DAB1: variants seen among roughly 807,000 people sequenced by gnomAD.
The protein encoded by DAB1 is DAB adaptor protein 1.
Under a neutral mutation model 64.6 loss-of-function variants are expected in DAB1, and 15 were observed. The observed-to-expected ratio is 0.23, with a 90% CI of 0.16 to 0.36. The LOEUF (loss-of-function observed/expected upper bound fraction) is 0.36. Ranked by LOEUF, DAB1 falls within the 10% of genes least tolerant of loss-of-function variation. DAB1 has a pLI of 1.00. For missense variants in DAB1, 596 were observed against 706.7 expected (o/e 0.84, Z 1.78); for synonymous variants, 235 against 251.9 (o/e 0.93, Z 0.64).
intron 1 of DAB1, among the ~76,000 whole-genome samples, chr1:57,335,661 C>A (rs1426526780): frequency 6.6e-6 from 1 of 152,148 alleles, no homozygotes; most frequent in African/African-American, 2.4e-5. Context: ...TTGAAATTTA[C>A]ATGGCATACC....
rs79288842 is a variant in DAB1, at chr1:57,403,801, C to T, written c.-137+20129G>A. Among the ~76,000 whole-genome samples the T allele has an allele frequency of 9.5e-3, 1,447 of 152,248 alleles. 32 individuals are homozygous for T. Among genetic ancestry groups the T allele is most frequent in the African/African-American group, 0.033 (1,358 of 41,538 alleles). The stretch of plus-strand genomic sequence containing the variant: ...TCCAGTATAATAGCCATTACCTACA[C>T]GGGGCCATTTAAAGTAAAATTAAAT... On this transcript the variant is annotated intron_variant, in intron 1 of 14. Transcript: ENST00000371236.
At chr1:58,475,826 G>T in intron 3 of DAB1, among the ~76,000 whole-genome samples, 1 of 152,090 alleles carries the variant, frequency 6.6e-6, no homozygotes, top group African/African-American at 2.4e-5. Context: ...TAGTGATGTT[G>T]CCCTTAATAC....
upstream of DAB1, among the ~76,000 whole-genome samples, chr1:57,887,231 C>T (rs1644237186): frequency 6.6e-6 from 1 of 152,116 alleles, no homozygotes; most frequent in South Asian, 2.1e-4. Context: ...TGTTTTGTAC[C>T]ACTCATCTCA....
At position 57,000,785 on chromosome 1, in the gene DAB1, G is replaced by A. The variant is rs183042273; in HGVS notation, c.*16-2657C>T. Among the ~76,000 whole-genome samples, 191 of 152,270 alleles carry A rather than the reference G, an allele frequency of 1.3e-3. 1 individual carries two copies. The highest frequency in any genetic ancestry group is 4.4e-3 in the African/African-American group (184 of 41,556). ...TTTGGATGCCCCAAGAAGTCAGGCT[G>A]CCTTGATCTCACCCTACAATTTGCT... On this transcript the variant is annotated intron_variant, in intron 14 of 14. Coordinates refer to ENST00000371236, the MANE Select transcript of DAB1 (RefSeq NM_001365792.1).
rs114926203 is a variant in DAB1, at chr1:57,806,564, C to T, written n.551+77435G>A. On this transcript the variant is annotated intron_variant and non_coding_transcript_variant, in intron 6 of 20. Transcript: ENST00000485760. ...TCACTGCCCTCAAAAGAAACCAACC[C>T]TATTGACACTTTGATCTCAAACTTC... Among the ~76,000 whole-genome samples the T allele has an allele frequency of 2.6e-3, 396 of 152,268 alleles. 3 individuals carry two copies. The highest frequency in any genetic ancestry group is 4.8e-3 in the Non-Finnish European group (327 of 68,002).
chr1:57,815,940 C>T (rs1651836818), intron 6 of DAB1, among the ~76,000 whole-genome samples: 1 of 152,174 alleles, frequency 6.6e-6, no homozygotes, highest in Admixed American at 6.5e-5. Flanking sequence ...AACATAGTAG[C>T]TGTTCAATAA....
intron 2 of DAB1, among the ~76,000 whole-genome samples, chr1:57,187,443 C>T (rs155306): frequency 0.027 from 4,101 of 152,234 alleles, 186 homozygotes; most frequent in African/African-American, 0.092. Context: ...CAGCAATTTG[C>T]GTATGATTCT....
intron 6 of DAB1, among the ~76,000 whole-genome samples, chr1:57,693,711 C>T (rs1282377697): frequency 3.9e-5 from 6 of 152,172 alleles, no homozygotes; most frequent in African/African-American, 1.4e-4. Flanking sequence ...CCACAAAGGT[C>T]TGCGGCTTCA....
At chr1:58,536,658 A>G in intron 1 of DAB1, 1 of 872,886 alleles carries the variant, frequency 1.1e-6, no homozygotes, top group Non-Finnish European at 2.0e-6. Flanking sequence ...ACCAAGGAAT[A>G]GCTTCCATTT....
At chr1:57,464,277 T>C (rs1686884261) in intron 7 of DAB1, among the ~76,000 whole-genome samples, 1 of 152,174 alleles carries the variant, frequency 6.6e-6, no homozygotes. Context: ...ATCTTTTTTA[T>C]AGGATGGTCT....
intron 4 of DAB1, among the ~76,000 whole-genome samples, chr1:58,325,457 T>C (rs905629939): frequency 1.2e-4 from 19 of 152,178 alleles, no homozygotes. Flanking sequence ...TTCCATAGGC[T>C]TATTGAAATT....
intron 3 of DAB1, among the ~76,000 whole-genome samples, chr1:58,473,398 CG>C (rs1310229160): frequency 6.6e-6 from 1 of 151,692 alleles, no homozygotes; most frequent in East Asian, 1.9e-4. Context: ...AAAAATTAGC[CG>C]GGCGCGGTGG....
intron 2 of DAB1, among the ~76,000 whole-genome samples, chr1:57,218,041 C>A (rs779441821): frequency 1.3e-5 from 2 of 152,096 alleles, no homozygotes; most frequent in Non-Finnish European, 2.9e-5. Flanking sequence ...ATTATGGAAA[C>A]GTGACAAGTA....
chr1:57,709,203 G>A (rs1455421621), intron 6 of DAB1, among the ~76,000 whole-genome samples: 1 of 150,946 alleles, frequency 6.6e-6, no homozygotes, highest in African/African-American at 2.4e-5. Flanking sequence ...ATTTCTCTTT[G>A]TGAACTCCAG....
intron 4 of DAB1, among the ~76,000 whole-genome samples, chr1:58,279,551 G>C (rs1446008623): frequency 6.6e-6 from 1 of 152,194 alleles, no homozygotes; most frequent in Non-Finnish European, 1.5e-5. Flanking sequence ...TTCATTTGCA[G>C]ATAAAGCAAC....
intron 3 of DAB1, among the ~76,000 whole-genome samples, chr1:58,411,801 C>T (rs989390319): frequency 6.6e-6 from 1 of 152,196 alleles, no homozygotes; most frequent in Non-Finnish European, 1.5e-5. Flanking sequence ...TTACAGGCTT[C>T]TGCAAGTTGG....
intron 6 of DAB1, among the ~76,000 whole-genome samples, chr1:57,666,682 T>G (rs1646451251): frequency 6.6e-6 from 1 of 152,178 alleles, no homozygotes; most frequent in Admixed American, 6.5e-5. Flanking sequence ...TGAAAACACA[T>G]TCATAGTCCA....
In DAB1 at chr1:57,972,694, A is replaced by C. The variant is rs1173199454; in HGVS notation, n.388-88532T>G. ...GGCCTCAGGATCTGACACCAACTGG[A>C]TTTGGAGAGAAAAACAAGAAAGAGC... On this transcript the variant is annotated intron_variant and non_coding_transcript_variant, in intron 5 of 20. Transcript: ENST00000485760. 2.0e-5 allele frequency among the ~76,000 whole-genome samples: 3 copies of C among 152,228 alleles called. No homozygotes were observed. The East Asian group carries it at 5.8e-4, about 29-fold the overall frequency.
At chr1:57,912,029 G>T (rs991404908) in intron 5 of DAB1, among the ~76,000 whole-genome samples, 1 of 152,118 alleles carries the variant, frequency 6.6e-6, no homozygotes, top group Non-Finnish European at 1.5e-5. Context: ...TACGTCCAGC[G>T]CACTAAAGCC....
Sources: allele counts gnomAD v4.1 joint callset (sites outside exome capture counted in the v4.1 genomes callset), GRCh38; gene constraint gnomAD v4.1.1; transcripts MANE v1.5; gene names NCBI Gene and HGNC (gene_info 2026-07-23, HGNC 2026-07-21).